WDR44: variants seen among roughly 807,000 people sequenced by gnomAD.
The protein encoded by WDR44 is WD repeat domain 44, also known as WD repeat-containing protein 44.
Under a neutral mutation model 65.7 loss-of-function variants are expected in WDR44, and 9 were observed. The observed-to-expected ratio is 0.14, with a 90% CI of 0.08 to 0.24. The LOEUF (loss-of-function observed/expected upper bound fraction) is 0.24. Among genes scored for constraint, WDR44 ranks in the 10% least tolerant of loss-of-function variants. The pLI, the probability that WDR44 is intolerant of heterozygous loss-of-function variation, is 1.00. For missense variants in WDR44, 425 were observed against 670.9 expected, an observed-to-expected ratio of 0.63 and a Z score of 4.05; for synonymous variants, 220 against 235.2, an observed-to-expected ratio of 0.94 and a Z score of 0.59.
chrX:118,424,106 A>T (rs1407978598), intron 12 of WDR44, among the ~76,000 whole-genome samples: 1 of 108,537 alleles, frequency 9.2e-6, no homozygotes, highest in African/African-American at 3.4e-5. Context: ...TTTACTTTAA[A>T]TATATACCCA....
chrX:118,438,797 GT>G (rs1213083479), intron 14 of WDR44, among the ~76,000 whole-genome samples: 3,029 of 63,814 alleles, frequency 0.047, 100 homozygotes, highest in East Asian at 0.21. Context: ...GTTCAGCCAT[GT>G]TTTTTTTTTT....
At chrX:118,408,247 T>C (rs772728456) in intron 10 of WDR44, among the ~76,000 whole-genome samples, 4 of 110,893 alleles carry the variant, frequency 3.6e-5, no homozygotes, top group Non-Finnish European at 7.6e-5. Flanking sequence ...ACTTAAGAGG[T>C]TCATGTTCTT....
At chrX:118,359,135 C>G (rs1311106006) in intron 1 of WDR44, among the ~76,000 whole-genome samples, 1 of 112,144 alleles carries the variant, frequency 8.9e-6, no homozygotes, top group Non-Finnish European at 1.9e-5. Context: ...CGGCCTGTAG[C>G]CCAACATCTT....
intron 12 of WDR44, among the ~76,000 whole-genome samples, chrX:118,428,355 G>T (rs1191942660): frequency 9.1e-6 from 1 of 109,878 alleles, no homozygotes; most frequent in Non-Finnish European, 1.9e-5. Context: ...GTCCAGTCTG[G>T]TCTCAAACTC....
chrX:118,362,958 T>A (rs1468486256), intron 1 of WDR44, among the ~76,000 whole-genome samples: 1 of 108,456 alleles, frequency 9.2e-6, no homozygotes, highest in Non-Finnish European at 1.9e-5. Context: ...CTAGTAGATA[T>A]AGGCACAGTT....
intron 2 of WDR44, among the ~76,000 whole-genome samples, chrX:118,384,083 G>T (rs1393114095): frequency 1.9e-5 from 2 of 107,848 alleles, no homozygotes; most frequent in African/African-American, 6.7e-5. Flanking sequence ...TCACTGTGTT[G>T]CCCAGGCTGG....
intron 1 of WDR44, among the ~76,000 whole-genome samples, chrX:118,348,777 T>C (rs148813309): frequency 1.4e-3 from 154 of 112,058 alleles, no homozygotes; most frequent in African/African-American, 4.7e-3. Context: ...CCTTACTAGA[T>C]ATTGGTCATC....
In WDR44 at chrX:118,443,543, T is replaced by G; in HGVS notation, c.2385-17T>G. Reference sequence around the variant, plus strand: ...CACACACATTTTATTTGCTTTTCCTTTCTCCCCAAAATTCAGCCATGATTT... The same window carrying G: ...CACACACATTTTATTTGCTTTTCCTGTCTCCCCAAAATTCAGCCATGATTT... On this transcript the variant is annotated splice_polypyrimidine_tract_variant and intron_variant, in intron 17 of 19. Coordinates refer to ENST00000254029, the MANE Select transcript of WDR44 (RefSeq NM_019045.5). 8.3e-7 allele frequency: 1 copy of G among 1,205,193 alleles called. No individual in the cohort carries two copies.
chrX:118,433,504 C>T (rs1177084507), intron 13 of WDR44, among the ~76,000 whole-genome samples: 1 of 111,622 alleles, frequency 9.0e-6, no homozygotes, highest in Non-Finnish European at 1.9e-5. Context: ...TAAGAAATGA[C>T]CCCTGGAGCC....
chrX:118,360,492 C>T (rs888115367), intron 1 of WDR44, among the ~76,000 whole-genome samples: 1 of 112,000 alleles, frequency 8.9e-6, no homozygotes, highest in Non-Finnish European at 1.9e-5. Flanking sequence ...TCCTGAGGAC[C>T]AGACACGTGA....
At chrX:118,405,064 C>G (rs1436847573) in intron 9 of WDR44, among the ~76,000 whole-genome samples, 1 of 110,292 alleles carries the variant, frequency 9.1e-6, no homozygotes, top group Non-Finnish European at 1.9e-5. Context: ...TTGAGAAAGT[C>G]TTGCTCTGTC....
At chrX:118,411,514 A>T (rs2147722191) in intron 12 of WDR44, among the ~76,000 whole-genome samples, 1 of 111,651 alleles carries the variant, frequency 9.0e-6, no homozygotes, top group East Asian at 2.8e-4. Context: ...AAACAAGAGA[A>T]CCTAAAATGT....
chrX:118,436,640 A>G (rs1385321709), intron 13 of WDR44, 62 bp from the exon 14 acceptor site: 3 of 1,144,325 alleles, frequency 2.6e-6, no homozygotes, highest in Non-Finnish European at 3.5e-6. Flanking sequence ...GTTCACTTTT[A>G]TTGTATAAAT....
intron 12 of WDR44, among the ~76,000 whole-genome samples, chrX:118,423,998 T>G (rs918803365): frequency 2.7e-5 from 3 of 111,186 alleles, no homozygotes; most frequent in Non-Finnish European, 5.6e-5. Context: ...TCCATTCATC[T>G]GTCAATGGAC....
At chrX:118,371,288 G>A (rs947130627) in intron 1 of WDR44, among the ~76,000 whole-genome samples, 6 of 111,676 alleles carry the variant, frequency 5.4e-5, no homozygotes, top group Admixed American at 1.9e-4. Context: ...GGTAGTTTCC[G>A]GGGGTTGGGG....
chrX:118,374,100 C>T (rs1253030510), intron 1 of WDR44, among the ~76,000 whole-genome samples: 1 of 108,987 alleles, frequency 9.2e-6, no homozygotes, highest in African/African-American at 3.4e-5. Context: ...CCCCCCACCC[C>T]CTGACAGGCC....
intron 7 of WDR44, 55 bp downstream of exon 7, chrX:118,397,161 T>C: frequency 9.6e-7 from 1 of 1,042,528 alleles, no homozygotes; most frequent in South Asian, 2.9e-5. Context: ...TGTTAAGATT[T>C]CTCTGTTAAT....
intron 3 of WDR44, among the ~76,000 whole-genome samples, chrX:118,389,849 A>G (rs1272715961): frequency 9.1e-6 from 1 of 109,755 alleles, no homozygotes; most frequent in East Asian, 2.9e-4. Context: ...GGGCTGGATT[A>G]TAGGAATGCC....
At chrX:118,400,142 C>T (rs2056899103) in intron 8 of WDR44, among the ~76,000 whole-genome samples, 1 of 110,279 alleles carries the variant, frequency 9.1e-6, no homozygotes, top group South Asian at 3.9e-4. Flanking sequence ...TACCACAGTG[C>T]TTTTCAACCT....
Sources: gnomAD v4.1 joint callset for allele counts (sites outside exome capture counted in the v4.1 genomes callset) on GRCh38, gnomAD v4.1.1 for gene constraint, MANE v1.5 for transcripts, NCBI Gene and HGNC (gene_info 2026-07-23, HGNC 2026-07-21) for gene names.